Variants in RPAP2 observed in about 807,000 individuals in gnomAD.
RPAP2 encodes the protein RNA polymerase II associated protein 2.
A neutral mutation model predicts 73.1 loss-of-function variants in RPAP2; 52 were observed. The observed-to-expected ratio is 0.71, with a 90% CI of 0.57 to 0.90. The LOEUF is 0.90. Among genes scored for constraint, RPAP2 ranks in the 40% least tolerant of loss-of-function variants. RPAP2 has a pLI of 0.00. For synonymous variants in RPAP2, 225 were observed against 242.1 expected (o/e 0.93, Z 0.65); for missense variants, 598 against 701.8 (o/e 0.85, Z 1.67).
intron 10 of RPAP2, among the ~76,000 whole-genome samples, chr1:92,342,615 A>G (rs1055630859): frequency 1.3e-5 from 2 of 152,202 alleles, no homozygotes; most frequent in South Asian, 2.1e-4. Context: ...AGAGAGACCA[A>G]TACAGCTAGA....
In RPAP2 at chr1:92,367,583, T is replaced by A. The variant is rs147839428; in HGVS notation, c.1689-13141T>A. On this transcript the variant is annotated intron_variant, in intron 11 of 12. Coordinates refer to ENST00000610020, the MANE Select transcript of RPAP2 (RefSeq NM_024813.3). ...ATGTTATCTTTTAGCAGTCTTTACA[T>A]CTTCATCACCTTTATGCATGGTAAT... Among the ~76,000 whole-genome samples the A allele has an allele frequency of 2.3e-3, 350 of 152,334 alleles. 2 individuals are homozygous for A. Among genetic ancestry groups the A allele is most frequent in the African/African-American group, 7.4e-3 (306 of 41,568 alleles).
chr1:92,320,419 C>T (rs1016310961), intron 6 of RPAP2, among the ~76,000 whole-genome samples, 180 bp from the exon 7 acceptor site: 3 of 152,010 alleles, frequency 2.0e-5, no homozygotes, highest in Non-Finnish European at 4.4e-5. Context: ...ACTACAGGCG[C>T]GCACCGCCAT....
intron 3 of RPAP2, among the ~76,000 whole-genome samples, chr1:92,302,846 C>T (rs959996829): frequency 1.3e-5 from 2 of 151,606 alleles, no homozygotes; most frequent in South Asian, 2.1e-4. Context: ...GTGATCCGCC[C>T]GCGTCGGCCT....
chr1:92,333,445 C>T lies in RPAP2; in HGVS notation c.1510C>T (p.Arg504Cys), dbSNP rs769715761. The change falls in exon 9 of 13, where the codon CGC (arginine) becomes TGC (cysteine). Residue 504 changes from arginine to cysteine, a missense_variant. Physicochemically the swap from Arg to Cys is radical, Grantham distance 180 (BLOSUM62 -3). Transcript: ENST00000610020. The part of the protein sequence containing the change: ...DSSSQNQIRK[R>C]IVLEKLSKVL... ...AAGTTCCCAGAACCAGATTAGAAAA[C>T]GCATCGTACTTGAAAAGTTGAGTAA... 1.1e-5 allele frequency: 17 copies of T among 1,613,384 alleles called. No individual in the cohort carries two copies. Among genetic ancestry groups the T allele is most frequent in the Middle Eastern group, 1.7e-4 (1 of 6,058 alleles).
At chr1:92,320,731 T>C in intron 7 of RPAP2, 97 bp downstream of exon 7, 1 of 864,322 alleles carries the variant, frequency 1.2e-6, no homozygotes, top group Non-Finnish European at 1.8e-6. Flanking sequence ...CTTCCTGTGC[T>C]GATGCATTAT....
At chr1:92,300,129 T>C (rs1650707956) in intron 1 of RPAP2, 65 bp from the exon 2 acceptor site, 4 of 1,098,752 alleles carry the variant, frequency 3.6e-6, no homozygotes, top group Admixed American at 3.9e-5. Context: ...GAGACCGCTG[T>C]CTGTATGCTG....
intron 3 of RPAP2, among the ~76,000 whole-genome samples, chr1:92,302,590 ATTTTTTTTTT>A (rs36067595): frequency 5.4e-4 from 40 of 74,338 alleles, no homozygotes; most frequent in Non-Finnish European, 6.9e-4. Flanking sequence ...TCCGCATTAA[ATTTTTTTTTT>A]TTTTTTTTTT....
intron 12 of RPAP2, among the ~76,000 whole-genome samples, chr1:92,385,297 T>C (rs1238086183): frequency 3.9e-5 from 6 of 152,354 alleles, no homozygotes; most frequent in African/African-American, 1.4e-4. Flanking sequence ...TAGCATATTT[T>C]AAACTTGTAC....
Position 92,307,709 on chromosome 1 carries a change from GAC to G in RPAP2, c.488+437_488+438del, listed in dbSNP as rs1028556785. ...CAGTACACTATTTTATCAATTTAAAGACACAATTAAAAAGTAATTTTTTTTTT... is the reference window on the plus strand; with the variant it reads ...CAGTACACTATTTTATCAATTTAAAGACAATTAAAAAGTAATTTTTTTTTT... On this transcript the variant is annotated intron_variant, in intron 6 of 12. Coordinates refer to ENST00000610020, the MANE Select transcript of RPAP2 (RefSeq NM_024813.3). Among the ~76,000 whole-genome samples the G allele has an allele frequency of 6.4e-5, 9 of 140,328 alleles. No homozygotes were observed. In the South Asian group the frequency reaches 1.2e-3, roughly 19 times the overall value. 92.1% of individuals were successfully genotyped at this position (140,328 alleles called of 152,430 possible). A position where few individuals can be genotyped will look rare whatever the true frequency, so the allele number is the denominator to read the frequency against.
intron 1 of RPAP2, 57 bp downstream of exon 1, chr1:92,299,203 A>T (rs1650586728): frequency 1.8e-6 from 2 of 1,118,872 alleles, no homozygotes; most frequent in South Asian, 3.5e-5. Flanking sequence ...CCCGATCTCG[A>T]GTTATAGACC....
chr1:92,352,706 TTCA>T (rs1654278071), intron 11 of RPAP2, among the ~76,000 whole-genome samples: 1 of 152,230 alleles, frequency 6.6e-6, no homozygotes, highest in South Asian at 2.1e-4. Context: ...TAATATACAG[TTCA>T]TCATTTGTAT....
At chr1:92,325,105 A>G (rs1001187534) in intron 8 of RPAP2, among the ~76,000 whole-genome samples, 1 of 152,188 alleles carries the variant, frequency 6.6e-6, no homozygotes, top group East Asian at 1.9e-4. Context: ...GAGATTGAAA[A>G]TGTGCCACTG....
chr1:92,394,111 T>C lies in RPAP2; in HGVS notation c.*7100T>C, dbSNP rs934347983. 12 of 151,986 alleles carry C rather than the reference T, an allele frequency of 7.9e-5. No individual in the cohort carries two copies. The highest frequency in any genetic ancestry group is 1.6e-4 in the Non-Finnish European group (11 of 68,012). 9.4% of individuals were successfully genotyped at this position (151,986 alleles called of 1,614,324 possible). Reference sequence around the variant, plus strand: ...TCAATGATAGACTGGATTAAGAAAATGTGGCACATGTATACCATGGAATAC... The same window carrying C: ...TCAATGATAGACTGGATTAAGAAAACGTGGCACATGTATACCATGGAATAC... On this transcript the variant is annotated 3_prime_UTR_variant, in exon 13 of 13. Transcript: ENST00000610020.
At chr1:92,308,172 C>A (rs1651363400) in intron 6 of RPAP2, among the ~76,000 whole-genome samples, 1 of 152,058 alleles carries the variant, frequency 6.6e-6, no homozygotes, top group Non-Finnish European at 1.5e-5. Flanking sequence ...CTGACAACAG[C>A]ACCTGTGATG....
At chr1:92,320,342 G>A (rs183257108) in intron 6 of RPAP2, among the ~76,000 whole-genome samples, 21 of 151,952 alleles carry the variant, frequency 1.4e-4, no homozygotes, top group Non-Finnish European at 2.2e-4. Context: ...GCGCAATCTC[G>A]GCTCACTGCA....
intron 12 of RPAP2, among the ~76,000 whole-genome samples, chr1:92,383,689 T>TA (rs1655746725): frequency 6.6e-6 from 1 of 151,908 alleles, no homozygotes; most frequent in African/African-American, 2.4e-5. Flanking sequence ...GTTTTCTAGA[T>TA]ATACAATCAT....
At position 92,401,358 on chromosome 1, in the gene RPAP2, G is replaced by T. The variant is rs1656313979; in HGVS notation, c.*14347G>T. ...CCAAGAAAGCCAGCTACTCATGTTG[G>T]CAATAAAGGTAAAAGTATCTATGGA... On this transcript the variant is annotated 3_prime_UTR_variant, in exon 13 of 13. Coordinates refer to ENST00000610020, the MANE Select transcript of RPAP2 (RefSeq NM_024813.3). 1 of 152,128 alleles carries T rather than the reference G, an allele frequency of 6.6e-6. No individual in the cohort carries two copies. Among genetic ancestry groups the T allele is most frequent in the African/African-American group, 2.4e-5 (1 of 41,418 alleles). The allele number at this position is 152,128 out of a possible 1,614,324, so 9.4% of individuals were successfully genotyped here.
intron 12 of RPAP2, among the ~76,000 whole-genome samples, chr1:92,382,313 T>C (rs1273195483): frequency 6.6e-6 from 1 of 152,220 alleles, no homozygotes; most frequent in Non-Finnish European, 1.5e-5. Flanking sequence ...TCAAATGGTA[T>C]TTCTAGATCT....
At chr1:92,375,735 G>A (rs1460236283) in intron 11 of RPAP2, among the ~76,000 whole-genome samples, 1 of 152,076 alleles carries the variant, frequency 6.6e-6, no homozygotes, top group African/African-American at 2.4e-5. Flanking sequence ...GGAGGCTAAG[G>A]CAGGAGAATC....
Sources: gnomAD v4.1 joint callset for allele counts (sites outside exome capture counted in the v4.1 genomes callset) on GRCh38, gnomAD v4.1.1 for gene constraint, MANE v1.5 for transcripts, NCBI Gene and HGNC (gene_info 2026-07-23, HGNC 2026-07-21) for gene names.